The following MALRD1 variants were observed in gnomAD, a reference collection of about 807,000 sequenced individuals.
The protein encoded by MALRD1 is MAM and LDL-receptor class A domain-containing protein 1.
MALRD1 carries 247 observed loss-of-function variants against 242.1 expected under a neutral mutation model. The ratio of observed to expected loss-of-function variants is 1.02; its 90% confidence interval spans 0.92 to 1.13. The LOEUF (loss-of-function observed/expected upper bound fraction) is 1.13. MALRD1 is among the 50% of genes most tolerant of loss of function. The pLI, the probability that MALRD1 is intolerant of heterozygous loss-of-function variation, is 0.00. For missense variants in MALRD1, 2,989 were observed against 2,533.1 expected, an observed-to-expected ratio of 1.18 and a Z score of -3.86; for synonymous variants, 995 against 866.6, an observed-to-expected ratio of 1.15 and a Z score of -2.60.
chr10:19,102,310 G>C (rs1275552941), intron 4 of MALRD1, among the ~76,000 whole-genome samples: 1 of 151,472 alleles, frequency 6.6e-6, no homozygotes, highest in Non-Finnish European at 1.5e-5. Context: ...TCTTTGCCAG[G>C]CCTTTGCAAA....
intron 36 of MALRD1, among the ~76,000 whole-genome samples, chr10:19,663,254 C>CAT (rs1009530173): frequency 2.0e-5 from 3 of 152,146 alleles, no homozygotes; most frequent in Admixed American, 1.3e-4. Flanking sequence ...TTAGCTCCCA[C>CAT]TTATAAGTGA....
intron 20 of MALRD1, among the ~76,000 whole-genome samples, chr10:19,282,007 T>C (rs934521730): frequency 6.7e-6 from 1 of 150,054 alleles, no homozygotes; most frequent in Non-Finnish European, 1.5e-5. Context: ...ACATGAGATC[T>C]ACCATCTTAA....
intron 28 of MALRD1, among the ~76,000 whole-genome samples, chr10:19,403,233 A>G (rs574279872): frequency 6.6e-6 from 1 of 152,256 alleles, no homozygotes; most frequent in Middle Eastern, 3.4e-3. Context: ...TTATGCCTCC[A>G]TGAATAAAAA....
In MALRD1 at chr10:19,567,570, A is replaced by T. The variant is rs549522128; in HGVS notation, c.5547A>T (p.Gly1849=). The T allele has an allele frequency of 3.2e-6, 5 of 1,550,364 alleles. No homozygotes were observed. Among genetic ancestry groups the T allele is most frequent in the African/African-American group, 1.4e-5 (1 of 73,028 alleles). ...CAGTGATTGGAAATAAAAGAACGGG[A>T]TGGACATATGGCTCTGTGCCTCTCT... ...VWSVIGNKRT[G]WTYGSVPLSS... Residue 1849 remains glycine, a synonymous_variant, in exon 33 of 40, where the codon GGA becomes GGT. Coordinates refer to ENST00000454679, the MANE Select transcript of MALRD1 (RefSeq NM_001142308.3).
intron 18 of MALRD1, among the ~76,000 whole-genome samples, chr10:19,238,133 A>T (rs1420094949): frequency 2.0e-5 from 1 of 48,948 alleles, no homozygotes; most frequent in Non-Finnish European, 3.6e-5. Flanking sequence ...TATATTATGT[A>T]TATAATATAT....
chr10:19,269,079 T>C (rs1840085767), intron 19 of MALRD1, among the ~76,000 whole-genome samples: 1 of 152,228 alleles, frequency 6.6e-6, no homozygotes, highest in African/African-American at 2.4e-5. Flanking sequence ...GTGTTCTTTG[T>C]TTAAAGAGAC....
At chr10:19,559,225 C>A (rs1242263426) in intron 32 of MALRD1, among the ~76,000 whole-genome samples, 3 of 151,578 alleles carry the variant, frequency 2.0e-5, no homozygotes, top group Non-Finnish European at 4.4e-5. Context: ...TTTTCATTAC[C>A]CTTTTAAAAT....
chr10:19,536,200 A>G (rs1834666710), intron 32 of MALRD1, among the ~76,000 whole-genome samples: 3 of 152,160 alleles, frequency 2.0e-5, no homozygotes, highest in African/African-American at 7.2e-5. Context: ...ACGTGAGGAC[A>G]GGAAGAGAAG....
chr10:19,647,148 T>C (rs765155683), intron 36 of MALRD1, among the ~76,000 whole-genome samples: 5 of 152,192 alleles, frequency 3.3e-5, no homozygotes, highest in Admixed American at 6.5e-5. Context: ...TTGAAGCAGC[T>C]CCTTGCAAAT....
chr10:19,498,423 T>C (rs1837820462), intron 30 of MALRD1, 62 bp from the exon 31 acceptor site: 2 of 1,397,686 alleles, frequency 1.4e-6, no homozygotes, highest in East Asian at 2.5e-5. Flanking sequence ...ATCCCAAATA[T>C]AGGGTAGTAG....
intron 33 of MALRD1, among the ~76,000 whole-genome samples, chr10:19,586,371 TC>T (rs1837402913): frequency 6.6e-6 from 1 of 152,166 alleles, no homozygotes; most frequent in African/African-American, 2.4e-5. Context: ...CTACTTTTGG[TC>T]TTTGATGATG....
At position 19,302,225 on chromosome 10, in the gene MALRD1, CAG is replaced by C. The variant is rs371903797; in HGVS notation, c.3419+19046_3419+19047del. 1.7e-3 allele frequency among the ~76,000 whole-genome samples: 264 copies of C among 151,898 alleles called. 2 individuals are homozygous for C. Among genetic ancestry groups the C allele is most frequent in the African/African-American group, 6.0e-3 (247 of 41,510 alleles). On this transcript the variant is annotated intron_variant, in intron 21 of 39. Coordinates refer to ENST00000454679, the MANE Select transcript of MALRD1 (RefSeq NM_001142308.3). ...TCTGGCAGTTTCTTAAAAAGTCAAA[CAG>C]AATTATATGACTCAGCAGTTTCTCA...
chr10:19,650,734 G>A (rs910238706), intron 36 of MALRD1, among the ~76,000 whole-genome samples: 50 of 152,178 alleles, frequency 3.3e-4, no homozygotes, highest in African/African-American at 1.2e-3. Context: ...TAATGTCTCT[G>A]TAATCGCATT....
chr10:19,588,633 CAACA>C (rs1837576523), intron 33 of MALRD1, among the ~76,000 whole-genome samples: 1 of 152,150 alleles, frequency 6.6e-6, no homozygotes, highest in East Asian at 1.9e-4. Context: ...AATTCTAAAG[CAACA>C]TTTCTTATTT....
rs772199301 is a variant in MALRD1 at position 19,124,591 on chromosome 10, T to G, written c.864T>G (p.Ile288Met). The change falls in exon 7 of 40, where the codon ATT becomes ATG. Residue 288 changes from isoleucine (I) to methionine (M), a missense_variant. By Grantham distance (10) the Ile-to-Met change is conservative. Coordinates refer to ENST00000454679, the MANE Select transcript of MALRD1 (RefSeq NM_001142308.3). Reference sequence around the variant, plus strand: ...CGTCAGAAGCATCTGCTGGCCAAATTTCCTGGATGCGCACAAAAGCGAGAG... The same window carrying G: ...CGTCAGAAGCATCTGCTGGCCAAATGTCCTGGATGCGCACAAAAGCGAGAG... ...EWTSEASAGQ[I>M]SWMRTKAREI... 2.8e-5 allele frequency: 34 copies of G among 1,233,814 alleles called. No individual in the cohort carries two copies. The highest frequency in any genetic ancestry group is 3.4e-5 in the Non-Finnish European group (34 of 988,106). 76.4% of individuals were successfully genotyped at this position (1,233,814 alleles called of 1,614,324 possible).
intron 21 of MALRD1, among the ~76,000 whole-genome samples, chr10:19,283,880 G>C (rs1450385068): frequency 4.6e-5 from 7 of 152,174 alleles, no homozygotes; most frequent in Admixed American, 3.9e-4. Context: ...GCTGCGGTAG[G>C]CACTAGAAAT....
chr10:19,401,751 G>T (rs1846856562), intron 28 of MALRD1, among the ~76,000 whole-genome samples: 1 of 151,650 alleles, frequency 6.6e-6, no homozygotes. Flanking sequence ...TAACACAACA[G>T]TCAGTGGCAG....
intron 10 of MALRD1, among the ~76,000 whole-genome samples, chr10:19,144,984 T>C (rs528190600): frequency 3.0e-4 from 45 of 152,334 alleles, no homozygotes; most frequent in Middle Eastern, 3.4e-3. Context: ...ATTCTCCTTT[T>C]CTTCCCCACT....
At chr10:19,416,025 G>C (rs934280415) in intron 28 of MALRD1, among the ~76,000 whole-genome samples, 1 of 152,156 alleles carries the variant, frequency 6.6e-6, no homozygotes, top group African/African-American at 2.4e-5. Flanking sequence ...TAAACAAACT[G>C]CTTATATGTT....
Sources: gnomAD v4.1 joint callset for allele counts (sites outside exome capture counted in the v4.1 genomes callset) on GRCh38, gnomAD v4.1.1 for gene constraint, MANE v1.5 for transcripts, NCBI Gene and HGNC (gene_info 2026-07-23, HGNC 2026-07-21) for gene names.